Variants in FBXO34 observed in about 807,000 individuals in gnomAD.
FBXO34 encodes the protein F-box only protein 34.
A neutral mutation model predicts 24.5 loss-of-function variants in FBXO34; 12 were observed. The observed-to-expected ratio is 0.49, with a 90% CI of 0.31 to 0.79. The LOEUF (loss-of-function observed/expected upper bound fraction) is 0.79. Among genes scored for constraint, FBXO34 ranks in the 30% least tolerant of loss-of-function variants. The pLI, the probability that FBXO34 is intolerant of heterozygous loss-of-function variation, is 0.04. For missense variants in FBXO34, 823 were observed against 857.7 expected, an observed-to-expected ratio of 0.96 and a Z score of 0.51; for synonymous variants, 320 against 311.9, an observed-to-expected ratio of 1.03 and a Z score of -0.27.
the FBXO34 span, among the ~76,000 whole-genome samples, chr14:55,401,327 A>AT: frequency 6.6e-6 from 1 of 150,674 alleles, no homozygotes; most frequent in African/African-American, 2.5e-5. Flanking sequence ...CACACAAATT[A>AT]TTTTTTCTAT....
chr14:55,330,255 T>G (rs375834173), intron 1 of FBXO34, among the ~76,000 whole-genome samples: 42 of 152,306 alleles, frequency 2.8e-4, no homozygotes, highest in African/African-American at 9.6e-4. Context: ...AGTGTTCTTC[T>G]AAATTTGTTT....
At chr14:55,276,843 T>A (rs1472344206) in intron 1 of FBXO34, among the ~76,000 whole-genome samples, 2 of 152,166 alleles carry the variant, frequency 1.3e-5, no homozygotes, top group African/African-American at 2.4e-5. Context: ...ATCAGTTAAT[T>A]GCATTCTTGG....
At chr14:55,402,539 A>ATGAT in the FBXO34 span, among the ~76,000 whole-genome samples, 32 of 152,120 alleles carry the variant, frequency 2.1e-4, no homozygotes, top group Non-Finnish European at 4.1e-4. Flanking sequence ...GAAAGACTAA[A>ATGAT]TGATAGTATA....
chr14:55,289,606 G>A (rs953204317), intron 1 of FBXO34, among the ~76,000 whole-genome samples: 2 of 152,180 alleles, frequency 1.3e-5, no homozygotes, highest in African/African-American at 4.8e-5. Context: ...CATGATCACA[G>A]TTCAGTGCAG....
intron 1 of FBXO34, among the ~76,000 whole-genome samples, chr14:55,323,212 A>ATAT (rs1199201615): frequency 1.0e-4 from 4 of 39,036 alleles, no homozygotes; most frequent in Non-Finnish European, 1.4e-4. Context: ...AAAAAAAAAA[A>ATAT]AAAAAAATAT....
intron 1 of FBXO34, among the ~76,000 whole-genome samples, chr14:55,305,649 G>A (rs1161072208): frequency 1.3e-5 from 2 of 150,088 alleles, no homozygotes; most frequent in South Asian, 2.1e-4. Flanking sequence ...AGCCGAGATC[G>A]TGCCACTGCA....
At chr14:55,393,148 A>G in the FBXO34 span, among the ~76,000 whole-genome samples, 62 of 152,210 alleles carry the variant, frequency 4.1e-4, no homozygotes, top group East Asian at 9.6e-4. Context: ...TTGGGAGGCC[A>G]AGGTGGGCGG....
intron 1 of FBXO34, among the ~76,000 whole-genome samples, chr14:55,283,942 C>CTGTGTGTG (rs376134482): frequency 1.2e-4 from 16 of 130,886 alleles, no homozygotes; most frequent in East Asian, 4.0e-4. Flanking sequence ...CATTCTAAGA[C>CTGTGTGTG]TATGTGTGTG....
chr14:55,356,094 T>C (rs1176696407), downstream of FBXO34, among the ~76,000 whole-genome samples: 2 of 152,216 alleles, frequency 1.3e-5, no homozygotes, highest in African/African-American at 4.8e-5. Flanking sequence ...TGTTATGACC[T>C]AGAGGTTCCC....
At chr14:55,299,563 T>A (rs1882273318) in intron 1 of FBXO34, among the ~76,000 whole-genome samples, 1 of 152,214 alleles carries the variant, frequency 6.6e-6, no homozygotes, top group African/African-American at 2.4e-5. Flanking sequence ...TTTAAAAAGA[T>A]ATTTTCCCCC....
chr14:55,347,525 A>G (rs1884198156), intron 1 of FBXO34, among the ~76,000 whole-genome samples: 1 of 152,158 alleles, frequency 6.6e-6, no homozygotes, highest in African/African-American at 2.4e-5. Flanking sequence ...GAGGGATTGG[A>G]GCTGGTGCCT....
intron 1 of FBXO34, among the ~76,000 whole-genome samples, chr14:55,330,457 A>G (rs528597969): frequency 1.2e-4 from 19 of 152,068 alleles, no homozygotes; most frequent in African/African-American, 3.1e-4. Context: ...TTTTTGTTCT[A>G]TGATCTGCAT....
intron 1 of FBXO34, among the ~76,000 whole-genome samples, chr14:55,335,640 A>G (rs1405960554): frequency 1.3e-5 from 2 of 152,224 alleles, no homozygotes; most frequent in Non-Finnish European, 2.9e-5. Flanking sequence ...AAATTCCTCT[A>G]TAAAGCACAT....
intron 1 of FBXO34, among the ~76,000 whole-genome samples, chr14:55,296,380 G>GTGTTTTT (rs1882121874): frequency 8.4e-6 from 1 of 119,224 alleles, no homozygotes; most frequent in Non-Finnish European, 1.7e-5. Context: ...TGCTGTTCTT[G>GTGTTTTT]TGTTTTTTTT....
intron 1 of FBXO34, among the ~76,000 whole-genome samples, chr14:55,293,690 G>C (rs568127233): frequency 1.3e-5 from 2 of 152,148 alleles, no homozygotes; most frequent in Non-Finnish European, 2.9e-5. Flanking sequence ...ATCAACCTCA[G>C]GTTCTTTGCT....
chr14:55,430,398 TAAAAAAA>T, the FBXO34 span, among the ~76,000 whole-genome samples: 31 of 119,806 alleles, frequency 2.6e-4, no homozygotes, highest in African/African-American at 8.6e-4. Context: ...TCACCCACTT[TAAAAAAA>T]AAAAAAAAAA....
At chr14:55,429,073 T>C in the FBXO34 span, 70 of 1,420,942 alleles carry the variant, frequency 4.9e-5, no homozygotes, top group African/African-American at 9.6e-4. Context: ...ACGTTTATCT[T>C]TCAATGTATA....
At position 55,352,501 on chromosome 14, in the gene FBXO34, G is replaced by T. The variant is rs10138395; in HGVS notation, c.2111G>T (p.Gly704Val). ...FNRAIHKKAK[G>V]TEAEEEY ...CGGGCAATCCATAAGAAAGCAAAAG[G>T]GACTGAAGCTGAAGAGGAATACTAA... Residue 704 changes from glycine to valine, a missense_variant, in exon 2 of 2, where the codon GGG (glycine) becomes GTG (valine). By Grantham distance (109) the Gly-to-Val change is moderately radical. Coordinates refer to ENST00000313833, the MANE Select transcript of FBXO34 (RefSeq NM_017943.4). The T allele has an allele frequency of 0.017, 27,974 of 1,609,276 alleles. 769 individuals carry two copies. Among genetic ancestry groups the T allele is most frequent in the East Asian group, 0.13 (5,842 of 44,832 alleles).
intron 1 of FBXO34, among the ~76,000 whole-genome samples, chr14:55,337,174 A>G (rs1261977268): frequency 2.0e-5 from 3 of 151,920 alleles, no homozygotes; most frequent in African/African-American, 7.3e-5. Flanking sequence ...GGGTCTCACC[A>G]TGTTGCCCAG....
Sources: allele counts gnomAD v4.1 joint callset (sites outside exome capture counted in the v4.1 genomes callset), GRCh38; gene constraint gnomAD v4.1.1; transcripts MANE v1.5; gene names NCBI Gene and HGNC (gene_info 2026-07-23, HGNC 2026-07-21).